ECHDC2: variants seen among roughly 807,000 people sequenced by gnomAD.
The protein encoded by ECHDC2 is enoyl-CoA hydratase domain-containing protein 2, mitochondrial.
A neutral mutation model predicts 40.6 loss-of-function variants in ECHDC2; 34 were observed. The observed-to-expected ratio is 0.84, with a 90% CI of 0.64 to 1.11. ECHDC2 has a LOEUF of 1.11. ECHDC2 is among the 50% of genes most tolerant of loss of function. ECHDC2 has a pLI of 0.00. For missense variants in ECHDC2, 392 were observed against 400.7 expected, an observed-to-expected ratio of 0.98 and a Z score of 0.19; for synonymous variants, 162 against 166.6, an observed-to-expected ratio of 0.97 and a Z score of 0.21.
chr1:52,911,960 T>C, intron 1 of ECHDC2, 170 bp from the exon 2 acceptor site: 3 of 1,437,138 alleles, frequency 2.1e-6, no homozygotes, highest in Non-Finnish European at 2.7e-6. Context: ...TTCCCAACCA[T>C]AAAATGGAGA....
In ECHDC2 at chr1:52,914,481, T is replaced by C. The variant is rs540320312; in HGVS notation, c.122-2691A>G. 1.3e-3 allele frequency among the ~76,000 whole-genome samples: 193 copies of C among 152,030 alleles called. No individual in the cohort carries two copies. The highest frequency in any genetic ancestry group is 4.6e-3 in the African/African-American group (189 of 41,456). On this transcript the variant is annotated intron_variant, in intron 1 of 9. Transcript: ENST00000371522. This position sits in a 1 kb window ranked among gnomAD's most constrained non-coding sequence, Gnocchi z 4.0. ...GGGACTGCAGGGTGCCTTCCAGAAC[T>C]GGAGGAGTTCAGGCAGAGGGAGAGC...
intron 8 of ECHDC2, 185 bp from the exon 9 acceptor site, chr1:52,897,669 A>ACT (rs1418454188): frequency 1.5e-6 from 1 of 649,798 alleles, no homozygotes; most frequent in African/African-American, 1.8e-5. Context: ...AACGAGACAG[A>ACT]CTGAGACATT....
At chr1:52,899,466 C>T in intron 7 of ECHDC2, 1 of 554,024 alleles carries the variant, frequency 1.8e-6, no homozygotes, top group Non-Finnish European at 3.2e-6. Flanking sequence ...CCCATCCTTC[C>T]AACATGCACA....
chr1:52,906,297 G>A, intron 5 of ECHDC2: 1 of 639,344 alleles, frequency 1.6e-6, no homozygotes. Flanking sequence ...CCAAAATGAA[G>A]GAAGCAGGTT....
chr1:52,914,086 A>T lies in ECHDC2; in HGVS notation c.122-2296T>A, dbSNP rs1650154943. ...ACAGACTCAAGGCCTGTCCTCATGG[A>T]ACCTACAGCCTAGTGGGGAAGACAG... On this transcript the variant is annotated intron_variant, in intron 1 of 9. Coordinates refer to ENST00000371522, the MANE Select transcript of ECHDC2 (RefSeq NM_001198961.2). The surrounding 1 kb of genome is among the most constrained non-coding windows in gnomAD (Gnocchi z 4.0). 1.6e-6 allele frequency: 1 copy of T among 624,270 alleles called. No homozygotes were observed. The allele number at this position is 624,270 out of a possible 1,614,324, so 38.7% of individuals were successfully genotyped here.
chr1:52,905,084 G>A lies in ECHDC2; in HGVS notation c.464C>T (p.Ser155Leu), dbSNP rs375624978. The A allele has an allele frequency of 2.1e-4, 343 of 1,614,102 alleles. 3 individuals are homozygous for A. The South Asian group carries it at 3.1e-3, about 15-fold the overall frequency. ...GGTCTCAATCAGTCCCATGACTGCC[G>A]AGGAAGCTGCTCAGATAGAACAAAG... ...LACDLRVAASSAVMGLIETTR... is the reference protein window; with the variant it reads ...LACDLRVAASLAVMGLIETTR... Residue 155 changes from serine to leucine, a missense_variant, in exon 6 of 10, where the codon TCG becomes TTG. Transcript: ENST00000371522.
In ECHDC2 at chr1:52,914,801, C is replaced by A. The variant is rs1478128929; in HGVS notation, c.122-3011G>T. Among the ~76,000 whole-genome samples, 1 of 152,162 alleles carries A rather than the reference C, an allele frequency of 6.6e-6. No individual in the cohort carries two copies. Among genetic ancestry groups the A allele is most frequent in the African/African-American group, 2.4e-5 (1 of 41,426 alleles). On this transcript the variant is annotated intron_variant, in intron 1 of 9. Transcript: ENST00000371522. The surrounding 1 kb of genome is among the most constrained non-coding windows in gnomAD (Gnocchi z 4.0). ...CCTCTTAAAGAGATCTCAGGCCTCT[C>A]AGCTCACACCGCTTCTCACAGCCAT...
intron 5 of ECHDC2, 117 bp from the exon 6 acceptor site, chr1:52,905,207 C>T: frequency 1.8e-6 from 2 of 1,141,356 alleles, no homozygotes; most frequent in Non-Finnish European, 1.3e-6. Context: ...GCCCCATGGT[C>T]TGGCCACAGC....
intron 1 of ECHDC2, among the ~76,000 whole-genome samples, chr1:52,912,603 G>A (rs780710879): frequency 5.3e-5 from 8 of 152,156 alleles, no homozygotes; most frequent in African/African-American, 1.9e-4. Context: ...AAATAGAACT[G>A]TGCCGGCCAC....
chr1:52,916,994 C>T (rs1650820257), intron 1 of ECHDC2, among the ~76,000 whole-genome samples: 1 of 152,144 alleles, frequency 6.6e-6, no homozygotes, highest in African/African-American at 2.4e-5. Context: ...GAGGCCGAGG[C>T]GGGTGGATCA....
chr1:52,899,315 G>A, intron 7 of ECHDC2, 91 bp from the exon 8 acceptor site: 1 of 1,168,368 alleles, frequency 8.6e-7, no homozygotes. Context: ...AAGGAGGGAG[G>A]CAGATGTCTG....
At position 52,921,556 on chromosome 1, in the gene ECHDC2, G is replaced by A. The variant is rs1160215878; in HGVS notation, c.118C>T (p.Gln40Ter). ...CGCCCCGGAACTGCACATTTACCTT[G>A]GTCCGGACCCGCCAGGGCGCGCACT... ...IQVRALAGPD[Q>*]GITEILMNRP... The change falls in exon 1 of 10, where the codon CAA becomes TAA. Residue 40 changes from glutamine to a stop codon, truncating the protein, a stop_gained. Coordinates refer to ENST00000371522, the MANE Select transcript of ECHDC2 (RefSeq NM_001198961.2). LOFTEE classifies it high-confidence loss of function. 1 of 1,609,470 alleles carries A rather than the reference G, an allele frequency of 6.2e-7. No homozygotes were observed. The highest frequency in any genetic ancestry group is 8.5e-7 in the Non-Finnish European group (1 of 1,178,576).
chr1:52,905,290 T>A (rs1647493572), intron 5 of ECHDC2, 200 bp from the exon 6 acceptor site: 1 of 596,172 alleles, frequency 1.7e-6, no homozygotes, highest in Admixed American at 3.0e-5. Context: ...TATTTCACCA[T>A]GCCCCTTTGA....
intron 1 of ECHDC2, chr1:52,915,179 G>A (rs1650409066): frequency 4.4e-6 from 2 of 455,510 alleles, no homozygotes; most frequent in South Asian, 3.1e-5. Context: ...AAATCAGGAT[G>A]GACATTTCAG....
chr1:52,900,562 A>G (rs1300201798), intron 7 of ECHDC2: 1 of 152,230 alleles, frequency 6.6e-6, no homozygotes, highest in Non-Finnish European at 1.5e-5. Flanking sequence ...TTATTTAAAT[A>G]TGTAAGCATA....
intron 9 of ECHDC2, 182 bp from the exon 10 acceptor site, chr1:52,896,779 A>C: frequency 1.7e-6 from 1 of 587,990 alleles, no homozygotes; most frequent in Non-Finnish European, 3.0e-6. Flanking sequence ...TGGGGAAGAC[A>C]GGCCAGCCTT....
chr1:52,898,929 C>T, intron 8 of ECHDC2: 1 of 575,280 alleles, frequency 1.7e-6, no homozygotes, highest in Non-Finnish European at 3.1e-6. Context: ...ATCATTTACC[C>T]TTTCTTAACC....
Position 52,899,221 on chromosome 1 carries a change from G to A in ECHDC2, c.706C>T (p.Pro236Ser), listed in dbSNP as rs367965474. ...ALAQEILPQA[P>S]IAVRLGKVAI... is the part of the protein sequence containing the mutation. The stretch of plus-strand genomic sequence containing the variant: ...ACTTTGCCCAGCCGCACGGCAATGG[G>A]GGCCTAGGGAAAAGCAAAAAGTCTT... Residue 236 changes from proline to serine, a missense_variant, in exon 8 of 10, where the codon CCC (proline) becomes TCC (serine). By Grantham distance (74) the Pro-to-Ser change is moderately conservative. Coordinates refer to ENST00000371522, the MANE Select transcript of ECHDC2 (RefSeq NM_001198961.2). The A allele has an allele frequency of 4.3e-6, 7 of 1,611,944 alleles. No homozygotes were observed. In the African/African-American group the frequency reaches 9.6e-5, roughly 22 times the overall value.
chr1:52,919,051 G>A (rs754982809), intron 1 of ECHDC2, among the ~76,000 whole-genome samples: 23 of 152,174 alleles, frequency 1.5e-4, no homozygotes, highest in Non-Finnish European at 2.8e-4. Flanking sequence ...GTGCATGTGA[G>A]GAATCTAGGT....
Sources: gnomAD v4.1 joint callset for allele counts (sites outside exome capture counted in the v4.1 genomes callset) on GRCh38, gnomAD v4.1.1 for gene constraint, Gnocchi (gnomAD v3.1) non-coding constraint, MANE v1.5 for transcripts, NCBI Gene and HGNC (gene_info 2026-07-23, HGNC 2026-07-21) for gene names.